Variants in UPF2 observed in about 807,000 individuals in gnomAD.
The protein encoded by UPF2 is regulator of nonsense transcripts 2.
UPF2 carries 17 observed loss-of-function variants against 141.4 expected under a neutral mutation model. That is an observed-to-expected ratio of 0.12 (90% CI 0.08 to 0.18). The LOEUF is 0.18. UPF2 is among the 10% of genes least tolerant of loss of function. UPF2 has a pLI of 1.00. For synonymous variants in UPF2, 540 were observed against 498.0 expected, an observed-to-expected ratio of 1.08 and a Z score of -1.12; for missense variants, 1,152 against 1,515.9, an observed-to-expected ratio of 0.76 and a Z score of 3.99.
At chr10:12,007,143 T>C (rs977314030) in intron 4 of UPF2, among the ~76,000 whole-genome samples, 2 of 152,310 alleles carry the variant, frequency 1.3e-5, no homozygotes, top group South Asian at 2.1e-4. Context: ...AGGAATGAGA[T>C]GTATCTACAA....
chr10:11,943,079 G>T lies in UPF2; in HGVS notation c.3264C>A (p.Thr1088=), dbSNP rs771370737. ...YLTDSNKENE[T]DEENTEVMIK... is the part of the protein sequence containing the mutation. Reference sequence around the variant, plus strand: ...CCATACGTACAGTATTCTCTTCATCGGTTTCATTTTCCTTATTGGAATCTG... The same window carrying T: ...CCATACGTACAGTATTCTCTTCATCTGTTTCATTTTCCTTATTGGAATCTG... Residue 1088 remains threonine, a synonymous_variant, in exon 17 of 22, where the codon ACC becomes ACA. Transcript: ENST00000357604. 5 of 1,610,244 alleles carry T rather than the reference G, an allele frequency of 3.1e-6. No homozygotes were observed. In the East Asian group the frequency reaches 8.9e-5, roughly 29 times the overall value.
chr10:11,945,911 A>G (rs1274711020), intron 16 of UPF2, among the ~76,000 whole-genome samples: 1 of 152,154 alleles, frequency 6.6e-6, no homozygotes, highest in East Asian at 1.9e-4. Flanking sequence ...AAAATACTTA[A>G]TGAGTCAACT....
intron 6 of UPF2, among the ~76,000 whole-genome samples, chr10:12,000,730 C>G (rs1332888429): frequency 6.6e-6 from 1 of 152,112 alleles, no homozygotes; most frequent in African/African-American, 2.4e-5. Context: ...GACTTGAGCT[C>G]GGGAGTTTGA....
At chr10:11,937,331 C>T (rs757042430) in intron 18 of UPF2, among the ~76,000 whole-genome samples, 2 of 152,164 alleles carry the variant, frequency 1.3e-5, no homozygotes, top group African/African-American at 2.4e-5. Context: ...TTAGCCTCTA[C>T]ACTCAAAGAG....
At chr10:11,938,853 G>GTTTTGTTTTTTTTTTTTTTTTTT (rs1832889729) in intron 18 of UPF2, among the ~76,000 whole-genome samples, 1 of 79,816 alleles carries the variant, frequency 1.3e-5, no homozygotes, top group African/African-American at 5.0e-5. Context: ...TTTTTTTTTT[G>GTTTTGTTTTTTTTTTTTTTTTTT]TTTTTTTTTT....
At chr10:11,941,051 C>T (rs1480498319) in intron 18 of UPF2, among the ~76,000 whole-genome samples, 2 of 152,150 alleles carry the variant, frequency 1.3e-5, no homozygotes, top group African/African-American at 4.8e-5. Context: ...AAGCATTCTG[C>T]TCTTAGCATT....
chr10:11,948,585 T>G (rs1236168397), intron 15 of UPF2, 77 bp from the exon 16 acceptor site: 2 of 1,439,374 alleles, frequency 1.4e-6, no homozygotes, highest in Non-Finnish European at 1.9e-6. Flanking sequence ...TACCAATTCA[T>G]GTAAAAGTAT....
intron 3 of UPF2, among the ~76,000 whole-genome samples, chr10:12,015,065 T>C (rs1052494908): frequency 4.7e-4 from 71 of 152,364 alleles, no homozygotes; most frequent in Admixed American, 4.1e-3. Context: ...GAGAATTATA[T>C]AGCTGGATCC....
chr10:12,038,420 A>ACACACACACAC, intron 1 of UPF2, among the ~76,000 whole-genome samples: 1 of 142,142 alleles, frequency 7.0e-6, no homozygotes, highest in Non-Finnish European at 1.5e-5. Flanking sequence ...ACACACACAC[A>ACACACACACAC]AATTACCTTT....
intron 8 of UPF2, among the ~76,000 whole-genome samples, chr10:11,983,580 G>T (rs191666950): frequency 3.3e-5 from 5 of 152,216 alleles, no homozygotes; most frequent in Admixed American, 3.3e-4. Flanking sequence ...CACTGTATTA[G>T]CCAGGATGGT....
intron 8 of UPF2, among the ~76,000 whole-genome samples, chr10:11,995,096 C>G (rs1253333828): frequency 8.2e-6 from 1 of 121,816 alleles, no homozygotes; most frequent in Non-Finnish European, 1.8e-5. Flanking sequence ...ACATGAAGTG[C>G]TATAAAGAAT....
rs1461469094 is a variant in UPF2, at chr10:11,938,841, A to AGTTTTTTTTTT, written c.3379-2140_3379-2130dup. Among the ~76,000 whole-genome samples the AGTTTTTTTTTT allele has an allele frequency of 5.1e-3, 337 of 66,510 alleles. 10 individuals are homozygous for AGTTTTTTTTTT. Among genetic ancestry groups the AGTTTTTTTTTT allele is most frequent in the East Asian group, 0.013 (32 of 2,414 alleles). 43.6% of individuals were successfully genotyped at this position (66,510 alleles called of 152,430 possible). A position where few individuals can be genotyped will look rare whatever the true frequency, so the allele number is the denominator to read the frequency against. On this transcript the variant is annotated intron_variant, in intron 18 of 21. Transcript: ENST00000357604. ...CGTCCTAGCCATGTGGTCTTAAGCA[A>AGTTTTTTTTTT]GTTTTTTTTTTGTTTTTTTTTTTTT... is the stretch of plus-strand genomic sequence containing the variant.
intron 4 of UPF2, among the ~76,000 whole-genome samples, chr10:12,008,059 T>C (rs1279135): frequency 0.16 from 24,939 of 151,494 alleles, 2,521 homozygotes; most frequent in African/African-American, 0.29. Flanking sequence ...ACTTTTGTAT[T>C]TTTTGTAGGG....
At chr10:12,006,449 CGTAA>C (rs1834037085) in intron 4 of UPF2, among the ~76,000 whole-genome samples, 1 of 151,958 alleles carries the variant, frequency 6.6e-6, no homozygotes, top group African/African-American at 2.4e-5. Context: ...TAAAATTAAC[CGTAA>C]GTTAGATTAT....
chr10:12,004,504 G>A, intron 5 of UPF2, 26 bp downstream of exon 5: 3 of 1,559,692 alleles, frequency 1.9e-6, no homozygotes, highest in Middle Eastern at 1.7e-4. Context: ...AGCACTTAAT[G>A]TAAATATTTT....
chr10:12,037,701 T>G (rs1834657366), intron 1 of UPF2, among the ~76,000 whole-genome samples: 1 of 151,146 alleles, frequency 6.6e-6, no homozygotes, highest in Non-Finnish European at 1.5e-5. Flanking sequence ...CAGCCCTTCG[T>G]TTTTTTTTAT....
At chr10:11,989,184 A>G (rs1833740972) in intron 8 of UPF2, among the ~76,000 whole-genome samples, 1 of 152,234 alleles carries the variant, frequency 6.6e-6, no homozygotes, top group Non-Finnish European at 1.5e-5. Context: ...TCCAAATCCC[A>G]CAGTAATGAA....
intron 2 of UPF2, 24 bp from the exon 3 acceptor site, chr10:12,029,548 T>C: frequency 6.5e-7 from 1 of 1,549,076 alleles, no homozygotes; most frequent in Non-Finnish European, 8.7e-7. Flanking sequence ...AACAAATAAA[T>C]AAAATACTCT....
chr10:11,975,133 C>T (rs1295812647), intron 9 of UPF2, among the ~76,000 whole-genome samples: 1 of 152,142 alleles, frequency 6.6e-6, no homozygotes, highest in Admixed American at 6.5e-5. Context: ...TGTTGGCATG[C>T]GCCTGTAGTC....
Sources: allele counts gnomAD v4.1 joint callset (sites outside exome capture counted in the v4.1 genomes callset), GRCh38; gene constraint gnomAD v4.1.1; transcripts MANE v1.5; gene names NCBI Gene and HGNC (gene_info 2026-07-23, HGNC 2026-07-21).